SULT1E1: variants seen among roughly 807,000 people sequenced by gnomAD.
SULT1E1 encodes the protein sulfotransferase 1E1.
A neutral mutation model predicts 33.6 loss-of-function variants in SULT1E1; 36 were observed. The ratio of observed to expected loss-of-function variants is 1.07; its 90% CI spans 0.82 to 1.41. The LOEUF (loss-of-function observed/expected upper bound fraction) is 1.41. Among genes scored for constraint, SULT1E1 ranks in the 40% most tolerant of loss-of-function variants. The pLI, the probability that SULT1E1 is intolerant of heterozygous loss-of-function variation, is 0.00. For synonymous variants in SULT1E1, 121 were observed against 111.7 expected (o/e 1.08, Z -0.53); for missense variants, 371 against 345.7 (o/e 1.07, Z -0.58).
chr4:69,854,399 G>A (rs1173783502), intron 3 of SULT1E1, 85 bp from the exon 4 acceptor site: 8 of 805,804 alleles, frequency 9.9e-6, no homozygotes, highest in Non-Finnish European at 1.5e-5. Flanking sequence ...TAAAATAGAA[G>A]TAATTCTAAG....
rs1398156152 is a variant in SULT1E1, at chr4:69,841,941, A to G, written c.*53T>C. ...CAATCTAAAATAAGAAAAAGTGGAG[A>G]ATAATGAAAAGAAATCTTTAATATC... On this transcript the variant is annotated 3_prime_UTR_variant, in exon 8 of 8. Coordinates refer to ENST00000226444, the MANE Select transcript of SULT1E1 (RefSeq NM_005420.3). 1.8e-5 allele frequency: 17 copies of G among 950,832 alleles called. No homozygotes were observed. The highest frequency in any genetic ancestry group is 2.4e-5 in the Non-Finnish European group (15 of 617,460). 58.9% of individuals were successfully genotyped at this position (950,832 alleles called of 1,614,324 possible).
rs189822569 is a variant in SULT1E1 at position 69,851,187 on chromosome 4, A to T, written c.370-1624T>A. On this transcript the variant is annotated intron_variant, in intron 4 of 7. Transcript: ENST00000226444. ...GAAACTACCATCAGAGTGAAAAGGC[A>T]ACCTACAGAATGGGAGAAAATTTTT... Among the ~76,000 whole-genome samples, 497 of 152,314 alleles carry T rather than the reference A, an allele frequency of 3.3e-3. 4 individuals carry two copies. The highest frequency in any genetic ancestry group is 0.011 in the African/African-American group (464 of 41,574).
At chr4:69,827,957 T>C in the SULT1E1 span, among the ~76,000 whole-genome samples, 1 of 152,204 alleles carries the variant, frequency 6.6e-6, no homozygotes, top group South Asian at 2.1e-4. Context: ...TCATGTCTGC[T>C]ATGCCGATGC....
the SULT1E1 span, among the ~76,000 whole-genome samples, chr4:69,822,444 A>C: frequency 1.3e-5 from 2 of 152,080 alleles, no homozygotes; most frequent in Non-Finnish European, 2.9e-5. Context: ...CCATCTCTAC[A>C]CAAAATACTA....
At chr4:69,823,168 A>G in the SULT1E1 span, among the ~76,000 whole-genome samples, 1 of 152,194 alleles carries the variant, frequency 6.6e-6, no homozygotes, top group African/African-American at 2.4e-5. Flanking sequence ...TTTTGTTTAT[A>G]TACCTACTCC....
chr4:69,828,931 G>A, the SULT1E1 span, among the ~76,000 whole-genome samples: 1 of 152,192 alleles, frequency 6.6e-6, no homozygotes, highest in Non-Finnish European at 1.5e-5. Context: ...ACTGCTCGGT[G>A]AGGTGCAGTC....
chr4:69,826,888 A>AC, the SULT1E1 span, among the ~76,000 whole-genome samples: 130 of 152,108 alleles, frequency 8.5e-4, 2 homozygotes, highest in South Asian at 0.018. Context: ...CTCTCAGCTT[A>AC]CCCCCATATC....
At chr4:69,832,111 G>A in the SULT1E1 span, among the ~76,000 whole-genome samples, 2 of 152,184 alleles carry the variant, frequency 1.3e-5, no homozygotes, top group Non-Finnish European at 2.9e-5. Context: ...CTGTCCTTAC[G>A]GGACAGGTCC....
At position 69,844,172 on chromosome 4, in the gene SULT1E1, A is replaced by C. The variant is rs746067466; in HGVS notation, c.761T>G (p.Phe254Cys). 13 of 1,613,942 alleles carry C rather than the reference A, an allele frequency of 8.1e-6. No individual in the cohort carries two copies. The highest frequency in any genetic ancestry group is 1.1e-5 in the Non-Finnish European group (13 of 1,179,900). Residue 254 changes from phenylalanine to cysteine, a missense_variant, in exon 7 of 8, where the codon TTC becomes TGC. Transcript: ENST00000226444. Reference sequence around the variant, plus strand: ...CACATTTTTCTCACCCTTTCTCATGAAGGGCGACAATTTCTGGTTCATAAT... The same window carrying C: ...CACATTTTTCTCACCCTTTCTCATGCAGGGCGACAATTTCTGGTTCATAAT... ...DEIMNQKLSPFMRKGITGDWK... is the reference protein window; with the variant it reads ...DEIMNQKLSPCMRKGITGDWK...
chr4:69,848,993 T>C (rs1721041621), intron 5 of SULT1E1: 1 of 152,290 alleles, frequency 6.6e-6, no homozygotes, highest in Non-Finnish European at 1.5e-5. Context: ...CAAACTTCTT[T>C]GTAAATTCCA....
chr4:69,859,289 C>T (rs1403314038), intron 1 of SULT1E1, among the ~76,000 whole-genome samples: 1 of 152,062 alleles, frequency 6.6e-6, no homozygotes, highest in Non-Finnish European at 1.5e-5. Flanking sequence ...CATCTTCCAA[C>T]CTGCCTTTTA....
the SULT1E1 span, among the ~76,000 whole-genome samples, chr4:69,833,285 G>A: frequency 1.3e-5 from 2 of 152,166 alleles, no homozygotes; most frequent in Non-Finnish European, 2.9e-5. Context: ...TCATGTGGCT[G>A]CATGGTGTAC....
chr4:69,821,181 C>A, the SULT1E1 span, among the ~76,000 whole-genome samples: 2 of 152,242 alleles, frequency 1.3e-5, no homozygotes, highest in East Asian at 3.9e-4. Context: ...AGTTAAAACA[C>A]TGTTTTTTAA....
chr4:69,856,477 C>T (rs189829894), intron 2 of SULT1E1, among the ~76,000 whole-genome samples: 1 of 152,244 alleles, frequency 6.6e-6, no homozygotes, highest in Admixed American at 6.5e-5. Flanking sequence ...GACCTATCTA[C>T]CAGACTAAAT....
chr4:69,844,244 T>A lies in SULT1E1; in HGVS notation c.689A>T (p.Glu230Val). The part of the protein sequence containing the change: ...DRIIHHTSFQ[E>V]MKNNPSTNYT... ...ATTTGTGGATGGATTGTTCTTCATC[T>A]CTTGGAACGAAGTATGATGTATAAT... is the stretch of plus-strand genomic sequence containing the variant. Residue 230 changes from glutamate (E) to valine (V), a missense_variant, in exon 7 of 8, where the codon GAG becomes GTG. Physicochemically the swap from Glu to Val is moderately radical, Grantham distance 121 (BLOSUM62 -2). Transcript: ENST00000226444. 6.2e-7 allele frequency: 1 copy of A among 1,613,918 alleles called. No individual in the cohort carries two copies. Among genetic ancestry groups the A allele is most frequent in the Non-Finnish European group, 8.5e-7 (1 of 1,179,834 alleles).
chr4:69,840,817 C>T (rs763724670), downstream of SULT1E1, among the ~76,000 whole-genome samples: 30 of 152,096 alleles, frequency 2.0e-4, no homozygotes, highest in South Asian at 4.2e-4. Flanking sequence ...GAGGCTGAGG[C>T]GGGTGGATCA....
chr4:69,837,443 G>C (rs1404035180), downstream of SULT1E1, among the ~76,000 whole-genome samples: 3 of 151,924 alleles, frequency 2.0e-5, no homozygotes, highest in African/African-American at 7.3e-5. Flanking sequence ...AATCAATCAA[G>C]ATCTTTTTAT....
chr4:69,829,499 T>C, the SULT1E1 span, among the ~76,000 whole-genome samples: 1 of 152,218 alleles, frequency 6.6e-6, no homozygotes, highest in Non-Finnish European at 1.5e-5. Flanking sequence ...CATTTACTCC[T>C]GCTTCCAGGG....
chr4:69,827,716 G>A, the SULT1E1 span, among the ~76,000 whole-genome samples: 43 of 152,248 alleles, frequency 2.8e-4, no homozygotes, highest in African/African-American at 9.9e-4. Context: ...TTCTATAATA[G>A]GGCCAAGAGG....
Sources: gnomAD v4.1 joint callset for allele counts (sites outside exome capture counted in the v4.1 genomes callset) on GRCh38, gnomAD v4.1.1 for gene constraint, MANE v1.5 for transcripts, NCBI Gene and HGNC (gene_info 2026-07-23, HGNC 2026-07-21) for gene names.